ZFHX3: variants seen among roughly 807,000 people sequenced by gnomAD.
ZFHX3 encodes zinc finger homeobox 3.
ZFHX3 carries 42 observed loss-of-function variants against 279.1 expected under a neutral mutation model. The observed-to-expected ratio is 0.15, with a 90% confidence interval of 0.12 to 0.19. The LOEUF is 0.19. Among genes scored for constraint, ZFHX3 ranks in the 10% least tolerant of loss-of-function variants. ZFHX3 has a pLI of 1.00. For missense variants in ZFHX3, 4,981 were observed against 4,754.0 expected, an observed-to-expected ratio of 1.05 and a Z score of -1.40; for synonymous variants, 2,293 against 1,957.8, an observed-to-expected ratio of 1.17 and a Z score of -4.52.
At chr16:73,807,140 C>A (rs1276033365) in intron 1 of ZFHX3, among the ~76,000 whole-genome samples, 1 of 152,186 alleles carries the variant, frequency 6.6e-6, no homozygotes, top group African/African-American at 2.4e-5. Flanking sequence ...CGAGAAGAGG[C>A]AGCAGGGACC....
At chr16:73,429,824 C>G (rs1433601211) in intron 3 of ZFHX3, among the ~76,000 whole-genome samples, 1 of 152,114 alleles carries the variant, frequency 6.6e-6, no homozygotes, top group African/African-American at 2.4e-5. Flanking sequence ...ATCCTCGCTC[C>G]CCCACAGATG....
chr16:73,353,299 C>T (rs749002742), intron 3 of ZFHX3, among the ~76,000 whole-genome samples: 3 of 152,176 alleles, frequency 2.0e-5, no homozygotes, highest in Non-Finnish European at 4.4e-5. Context: ...TTCACCGAGT[C>T]CCCCTGGCCA....
At chr16:73,572,462 G>A (rs1221221892) in intron 2 of ZFHX3, among the ~76,000 whole-genome samples, 1 of 152,188 alleles carries the variant, frequency 6.6e-6, no homozygotes, top group East Asian at 1.9e-4. Flanking sequence ...ACTCTTAGGA[G>A]CCTTCAACCT....
intron 1 of ZFHX3, among the ~76,000 whole-genome samples, chr16:72,990,303 C>T (rs565188444): frequency 3.3e-5 from 5 of 152,274 alleles, no homozygotes; most frequent in East Asian, 1.9e-4. Flanking sequence ...GCCAGGGAAA[C>T]GCATTGTACT....
At chr16:72,869,211 G>A (rs2038093901) in intron 4 of ZFHX3, among the ~76,000 whole-genome samples, 1 of 152,128 alleles carries the variant, frequency 6.6e-6, no homozygotes, top group Non-Finnish European at 1.5e-5. Flanking sequence ...ATACTGGGGA[G>A]ACTAGAAACA....
chr16:72,787,600 G>T lies in ZFHX3; in HGVS notation c.10676C>A (p.Thr3559Lys). 1 of 1,613,850 alleles carries T rather than the reference G, an allele frequency of 6.2e-7. No individual in the cohort carries two copies. The highest frequency in any genetic ancestry group is 8.5e-7 in the Non-Finnish European group (1 of 1,179,924). Residue 3559 changes from threonine to lysine, a missense_variant, in exon 10 of 10, where the codon ACG (threonine) becomes AAG (lysine). Physicochemically the swap from Thr to Lys is moderately conservative, Grantham distance 78 (BLOSUM62 -1). Coordinates refer to ENST00000268489, the MANE Select transcript of ZFHX3 (RefSeq NM_006885.4). Reference sequence around the variant, plus strand: ...CTCTTTGGCGTTTCTTGCTGCTCTCGTGATTGTTCTGTGTTTGTGCAAGGC... The same window carrying T: ...CTCTTTGGCGTTTCTTGCTGCTCTCTTGATTGTTCTGTGTTTGTGCAAGGC... Reference protein sequence around the residue: ...ESALHKHRTITRAARNAKEHP... With the variant: ...ESALHKHRTIKRAARNAKEHP...
intron 3 of ZFHX3, among the ~76,000 whole-genome samples, chr16:73,368,183 G>A (rs569251085): frequency 8.5e-5 from 13 of 152,254 alleles, no homozygotes; most frequent in Admixed American, 2.0e-4. Context: ...AAAGAAGGTC[G>A]TAACACTACA....
At chr16:73,718,704 C>G (rs917185548) in intron 1 of ZFHX3, among the ~76,000 whole-genome samples, 1 of 151,922 alleles carries the variant, frequency 6.6e-6, no homozygotes, top group East Asian at 2.0e-4. Flanking sequence ...CAACCTCCAC[C>G]TCCTGGGTTC....
At chr16:73,415,736 C>A (rs141003633) in intron 3 of ZFHX3, among the ~76,000 whole-genome samples, 32 of 152,134 alleles carry the variant, frequency 2.1e-4, no homozygotes, top group African/African-American at 6.5e-4. Flanking sequence ...AGTTTGGTGA[C>A]GCCAGTTGCA....
At chr16:73,325,283 C>A (rs932085852) in intron 3 of ZFHX3, among the ~76,000 whole-genome samples, 1 of 152,160 alleles carries the variant, frequency 6.6e-6, no homozygotes, top group Admixed American at 6.5e-5. Context: ...TCTACTATGG[C>A]CCAGGCATGT....
intron 3 of ZFHX3, among the ~76,000 whole-genome samples, chr16:73,347,637 C>T (rs1276473479): frequency 1.3e-5 from 2 of 151,514 alleles, no homozygotes; most frequent in African/African-American, 4.9e-5. Flanking sequence ...GCTATGGTAA[C>T]ACATTTGCGC....
intron 9 of ZFHX3, chr16:72,790,078 G>C (rs1303954298): frequency 2.6e-5 from 4 of 152,336 alleles, no homozygotes; most frequent in African/African-American, 9.7e-5. Flanking sequence ...CAACCCGAGA[G>C]CCTAATACCC....
intron 3 of ZFHX3, among the ~76,000 whole-genome samples, chr16:73,385,714 C>T (rs1597311563): frequency 6.6e-6 from 1 of 152,190 alleles, no homozygotes; most frequent in East Asian, 1.9e-4. Flanking sequence ...AGCCTAATGC[C>T]AGTGCCCCCC....
At chr16:73,071,431 C>G (rs988080163) in intron 8 of ZFHX3, among the ~76,000 whole-genome samples, 1 of 152,072 alleles carries the variant, frequency 6.6e-6, no homozygotes, top group African/African-American at 2.4e-5. Context: ...GGAGGGAGCA[C>G]GTGCAACTCG....
At chr16:73,738,623 G>T (rs916435320) in intron 1 of ZFHX3, among the ~76,000 whole-genome samples, 2 of 152,226 alleles carry the variant, frequency 1.3e-5, no homozygotes, top group African/African-American at 2.4e-5. Context: ...TTATGCTAGA[G>T]TTCCACGGTA....
intron 3 of ZFHX3, among the ~76,000 whole-genome samples, chr16:73,393,128 C>T (rs1195316005): frequency 1.3e-5 from 2 of 152,198 alleles, no homozygotes; most frequent in Non-Finnish European, 2.9e-5. Flanking sequence ...AGCCACCATG[C>T]CTGGCCAGGA....
At chr16:73,241,248 G>A (rs1196363866) in intron 5 of ZFHX3, among the ~76,000 whole-genome samples, 1 of 152,116 alleles carries the variant, frequency 6.6e-6, no homozygotes, top group Non-Finnish European at 1.5e-5. Flanking sequence ...TGCCCTTTTT[G>A]AGTTATACCA....
intron 4 of ZFHX3, among the ~76,000 whole-genome samples, chr16:72,850,223 A>C (rs1011421223): frequency 6.6e-6 from 1 of 152,184 alleles, no homozygotes; most frequent in Non-Finnish European, 1.5e-5. Flanking sequence ...AGTCACACCT[A>C]CTGTCACACC....
At chr16:73,773,835 A>G (rs1250107001) in intron 1 of ZFHX3, among the ~76,000 whole-genome samples, 1 of 152,148 alleles carries the variant, frequency 6.6e-6, no homozygotes, top group East Asian at 1.9e-4. Context: ...CTGGTACAAC[A>G]CTTCTAAAAA....
Sources: allele counts gnomAD v4.1 joint callset (sites outside exome capture counted in the v4.1 genomes callset), GRCh38; gene constraint gnomAD v4.1.1; transcripts MANE v1.5; gene names NCBI Gene and HGNC (gene_info 2026-07-23, HGNC 2026-07-21).